Variants in SLC20A2 observed in about 807,000 individuals in gnomAD.
SLC20A2 encodes solute carrier family 20 member 2.
In SLC20A2, 30 loss-of-function variants were observed where a neutral mutation model predicts 61.0. That is an observed-to-expected ratio of 0.49 (90% CI 0.37 to 0.67). The LOEUF is 0.67. Ranked by LOEUF, SLC20A2 falls within the 30% of genes least tolerant of loss-of-function variation. SLC20A2 has a pLI of 0.00. For synonymous variants in SLC20A2, 351 were observed against 353.3 expected (o/e 0.99, Z 0.07); for missense variants, 626 against 866.4 (o/e 0.72, Z 3.48).
intron 2 of SLC20A2, among the ~76,000 whole-genome samples, chr8:42,467,783 C>T (rs1807297924): frequency 6.6e-6 from 1 of 152,188 alleles, no homozygotes; most frequent in Non-Finnish European, 1.5e-5. Flanking sequence ...CAGGCCTACC[C>T]GCGGACACCT....
At position 42,455,098 on chromosome 8, in the gene SLC20A2, G is replaced by A. The variant is rs140163229; in HGVS notation, c.613+4798C>T. Among the ~76,000 whole-genome samples the A allele has an allele frequency of 4.1e-3, 617 of 150,938 alleles. 14 individuals are homozygous for A. The highest frequency in any genetic ancestry group is 8.3e-4 in the Non-Finnish European group (56 of 67,712). On this transcript the variant is annotated intron_variant, in intron 5 of 10. Transcript: ENST00000520262. ...AAATTAGCCAGGTGTGGTGGCGTGC[G>A]TCTTGTAGTCCCAGCCGCTTGGGAG...
At chr8:42,487,476 C>G (rs1809125836) in intron 1 of SLC20A2, among the ~76,000 whole-genome samples, 1 of 152,208 alleles carries the variant, frequency 6.6e-6, no homozygotes, top group Non-Finnish European at 1.5e-5. Flanking sequence ...CGTGCCCGGC[C>G]TATTTTTAAG....
chr8:42,453,895 A>G (rs1166659365), intron 5 of SLC20A2, among the ~76,000 whole-genome samples: 3 of 152,206 alleles, frequency 2.0e-5, no homozygotes, highest in Non-Finnish European at 4.4e-5. Context: ...ATTATGACTG[A>G]TGGTAACAAA....
At chr8:42,475,548 T>TA (rs1368749502) in intron 1 of SLC20A2, among the ~76,000 whole-genome samples, 1 of 152,074 alleles carries the variant, frequency 6.6e-6, no homozygotes, top group Non-Finnish European at 1.5e-5. Flanking sequence ...TAGCTGGGAT[T>TA]ACAGGCACCC....
chr8:42,432,363 G>T (rs1803934431), intron 8 of SLC20A2, among the ~76,000 whole-genome samples: 1 of 152,206 alleles, frequency 6.6e-6, no homozygotes, highest in Non-Finnish European at 1.5e-5. Flanking sequence ...GCAATCTCAT[G>T]AAAGAACTTG....
At chr8:42,536,755 A>G (rs1378625690) in intron 1 of SLC20A2, among the ~76,000 whole-genome samples, 1 of 152,136 alleles carries the variant, frequency 6.6e-6, no homozygotes, top group Admixed American at 6.6e-5. Flanking sequence ...CTATTGCTCA[A>G]TACAACCTGA....
At chr8:42,448,762 CAG>C (rs1032234929) in intron 5 of SLC20A2, among the ~76,000 whole-genome samples, 8 of 150,954 alleles carry the variant, frequency 5.3e-5, no homozygotes, top group South Asian at 4.2e-4. Context: ...TCTGGGAAAA[CAG>C]GGGAAGCTGT....
At chr8:42,449,590 G>A (rs1805490581) in intron 5 of SLC20A2, among the ~76,000 whole-genome samples, 1 of 152,152 alleles carries the variant, frequency 6.6e-6, no homozygotes, top group Non-Finnish European at 1.5e-5. Flanking sequence ...GTCTATATCA[G>A]TTTCCTTATA....
At chr8:42,482,690 CCA>C (rs1161502878) in intron 1 of SLC20A2, among the ~76,000 whole-genome samples, 1 of 152,038 alleles carries the variant, frequency 6.6e-6, no homozygotes, top group Non-Finnish European at 1.5e-5. Flanking sequence ...CCACTGCACT[CCA>C]GCCTGGACAA....
intron 1 of SLC20A2, among the ~76,000 whole-genome samples, chr8:42,522,878 TA>T (rs60134886): frequency 6.6e-4 from 59 of 89,530 alleles, no homozygotes; most frequent in African/African-American, 8.3e-4. Flanking sequence ...CTAATAATAA[TA>T]AAAAAAAAAA....
chr8:42,517,076 C>T (rs894271954), intron 1 of SLC20A2, among the ~76,000 whole-genome samples: 3 of 152,192 alleles, frequency 2.0e-5, no homozygotes, highest in Non-Finnish European at 4.4e-5. Flanking sequence ...TTATTACAAC[C>T]TATTCAGATC....
At chr8:42,433,561 G>A (rs1804027181) in intron 8 of SLC20A2, among the ~76,000 whole-genome samples, 1 of 152,114 alleles carries the variant, frequency 6.6e-6, no homozygotes, top group Non-Finnish European at 1.5e-5. Context: ...CTGACCTCAT[G>A]ATCCGCCCGC....
chr8:42,459,465 G>A (rs543889042), intron 5 of SLC20A2, among the ~76,000 whole-genome samples: 4 of 152,164 alleles, frequency 2.6e-5, no homozygotes, highest in Non-Finnish European at 4.4e-5. Context: ...GGACTGTCCC[G>A]CTCACTGGGT....
chr8:42,496,129 G>A (rs1001335422), intron 1 of SLC20A2, among the ~76,000 whole-genome samples: 5 of 152,200 alleles, frequency 3.3e-5, no homozygotes, highest in Non-Finnish European at 5.9e-5. Context: ...AGACATGGCA[G>A]TGCGTTACTT....
rs1204733248 is a variant in SLC20A2 at position 42,481,051 on chromosome 8, GT to G, written c.-264-8398del. 5.3e-5 allele frequency among the ~76,000 whole-genome samples: 8 copies of G among 152,160 alleles called. No homozygotes were observed. In the South Asian group the frequency reaches 1.2e-3, roughly 24 times the overall value. ...TCATCTTCCTTATCCTTCTCTTGAG[GT>G]TTGGCCCTCAAGACTGAACTGAATA... On this transcript the variant is annotated intron_variant, in intron 1 of 10. Transcript: ENST00000520262.
At chr8:42,433,896 G>A (rs1428869500) in intron 8 of SLC20A2, among the ~76,000 whole-genome samples, 1 of 152,128 alleles carries the variant, frequency 6.6e-6, no homozygotes, top group Non-Finnish European at 1.5e-5. Flanking sequence ...CTGGGTCATA[G>A]GGGAGGTCTG....
chr8:42,441,142 CTTT>C (rs112150338), intron 6 of SLC20A2, among the ~76,000 whole-genome samples: 7 of 125,558 alleles, frequency 5.6e-5, no homozygotes, highest in East Asian at 4.6e-4. Flanking sequence ...ATATTTTGCT[CTTT>C]TTTTTTTTTT....
intron 8 of SLC20A2, among the ~76,000 whole-genome samples, chr8:42,434,096 T>G (rs1295170402): frequency 6.6e-6 from 1 of 151,978 alleles, no homozygotes; most frequent in African/African-American, 2.4e-5. Context: ...CTCCCTCTGT[T>G]GCCCAGGCTG....
chr8:42,479,375 C>G (rs1430284055), intron 1 of SLC20A2, among the ~76,000 whole-genome samples: 1 of 152,124 alleles, frequency 6.6e-6, no homozygotes, highest in Non-Finnish European at 1.5e-5. Flanking sequence ...CAGGGTCACT[C>G]TGATCTGTGA....
Sources: allele counts gnomAD v4.1 joint callset (sites outside exome capture counted in the v4.1 genomes callset), GRCh38; gene constraint gnomAD v4.1.1; transcripts MANE v1.5; gene names NCBI Gene and HGNC (gene_info 2026-07-23, HGNC 2026-07-21).